The following ALDH2 variants were observed in gnomAD, a reference collection of about 807,000 sequenced individuals.
ALDH2 encodes the protein aldehyde dehydrogenase, mitochondrial.
A neutral mutation model predicts 59.6 loss-of-function variants in ALDH2; 44 were observed. The observed-to-expected ratio is 0.74, with a 90% confidence interval of 0.58 to 0.95. ALDH2 has a LOEUF of 0.95. Among genes scored for constraint, ALDH2 ranks in the 40% least tolerant of loss-of-function variants. The pLI, the probability that ALDH2 is intolerant of heterozygous loss-of-function variation, is 0.00. For synonymous variants in ALDH2, 291 were observed against 284.0 expected (o/e 1.02, Z -0.25); for missense variants, 570 against 696.3 (o/e 0.82, Z 2.04).
Position 111,785,317 on chromosome 12 carries a change from G to A in ALDH2, c.411G>A (p.Val137=). ...AGCCCTATGTCATCTCCTACCTGGT[G>A]GATTTGGACATGGTCCTCAAATGTC... ...NGKPYVISYL[V]DLDMVLKCLR... Residue 137 remains valine (V), a synonymous_variant, in exon 4 of 13, where the codon GTG becomes GTA. Coordinates refer to ENST00000261733, the MANE Select transcript of ALDH2 (RefSeq NM_000690.4). 4 of 1,614,136 alleles carry A rather than the reference G, an allele frequency of 2.5e-6. No homozygotes were observed. Among genetic ancestry groups the A allele is most frequent in the East Asian group, 2.2e-5 (1 of 44,888 alleles).
intron 8 of ALDH2, 122 bp from the exon 9 acceptor site, chr12:111,792,476 C>G: frequency 8.4e-7 from 1 of 1,192,076 alleles, no homozygotes; most frequent in Non-Finnish European, 1.1e-6. Context: ...GTATCTGTCT[C>G]TGGCACCCAG....
chr12:111,784,788 A>G (rs567854769), intron 3 of ALDH2, among the ~76,000 whole-genome samples: 1 of 152,136 alleles, frequency 6.6e-6, no homozygotes, highest in East Asian at 1.9e-4. Context: ...CTAATTTTGT[A>G]TTTTTGATAA....
At chr12:111,793,659 G>A (rs1371169006) in intron 9 of ALDH2, among the ~76,000 whole-genome samples, 8 of 151,488 alleles carry the variant, frequency 5.3e-5, no homozygotes, top group Admixed American at 2.6e-4. Flanking sequence ...GCAGTGGCAC[G>A]ATCTCGACTC....
At chr12:111,797,952 T>C in intron 9 of ALDH2, 126 bp from the exon 10 acceptor site, 2 of 1,143,510 alleles carry the variant, frequency 1.7e-6, no homozygotes, top group Non-Finnish European at 2.5e-6. Flanking sequence ...TTTCCTCTTC[T>C]GATCTTGCTT....
chr12:111,773,076 C>T (rs1392888291), intron 1 of ALDH2, among the ~76,000 whole-genome samples: 3 of 145,752 alleles, frequency 2.1e-5, no homozygotes, highest in Non-Finnish European at 4.5e-5. Flanking sequence ...TATGATGAAA[C>T]CCCGTCTCTA....
At chr12:111,769,565 C>A (rs1019019145) in intron 1 of ALDH2, among the ~76,000 whole-genome samples, 7 of 150,536 alleles carry the variant, frequency 4.7e-5, no homozygotes, top group Non-Finnish European at 1.0e-4. Context: ...AATGCAAGCA[C>A]ACCAGACTTT....
chr12:111,775,000 C>T (rs1455260712), intron 1 of ALDH2, among the ~76,000 whole-genome samples: 5 of 152,178 alleles, frequency 3.3e-5, no homozygotes, highest in Non-Finnish European at 2.9e-5. Context: ...GCTGGAATGG[C>T]GATCACTTGT....
intron 1 of ALDH2, among the ~76,000 whole-genome samples, chr12:111,776,705 T>C (rs997421314): frequency 2.6e-5 from 4 of 152,134 alleles, no homozygotes; most frequent in African/African-American, 9.7e-5. Flanking sequence ...AAAATTTTTT[T>C]TTTTTTTGAG....
chr12:111,809,107 C>A (rs2068517307), intron 12 of ALDH2, among the ~76,000 whole-genome samples: 1 of 152,180 alleles, frequency 6.6e-6, no homozygotes, highest in East Asian at 1.9e-4. Flanking sequence ...AGGGGCAAGA[C>A]CCAGATTTGA....
At chr12:111,773,148 GCTGAGA>G (rs2068213744) in intron 1 of ALDH2, among the ~76,000 whole-genome samples, 1 of 152,120 alleles carries the variant, frequency 6.6e-6, no homozygotes, top group Non-Finnish European at 1.5e-5. Context: ...TACCTGGGAG[GCTGAGA>G]CAGGAGAAAC....
Position 111,814,971 on chromosome 12 carries a change from A to G in ALDH2, c.*5396A>G, listed in dbSNP as rs2068561453. 1 of 152,230 alleles carries G rather than the reference A, an allele frequency of 6.6e-6. No individual in the cohort carries two copies. The highest frequency in any genetic ancestry group is 6.5e-5 in the Admixed American group (1 of 15,268). 9.4% of individuals were successfully genotyped at this position (152,230 alleles called of 1,614,324 possible). ...GCTTCCATTTCCTCACAATCTCTGC[A>G]GTCACTTCCAACTCTCATTTGGCTT... is the stretch of plus-strand genomic sequence containing the variant. On this transcript the variant is annotated 3_prime_UTR_variant, in exon 13 of 13. Coordinates refer to ENST00000261733, the MANE Select transcript of ALDH2 (RefSeq NM_000690.4).
Position 111,813,686 on chromosome 12 carries a change from G to A in ALDH2, c.*4111G>A, listed in dbSNP as rs958919705. The A allele has an allele frequency of 3.9e-5, 6 of 152,210 alleles. No individual in the cohort carries two copies. Among genetic ancestry groups the A allele is most frequent in the Non-Finnish European group, 8.8e-5 (6 of 68,034 alleles). The allele number at this position is 152,210 out of a possible 1,614,324, so 9.4% of individuals were successfully genotyped here. A position where few individuals can be genotyped will look rare whatever the true frequency, so the allele number is the denominator to read the frequency against. ...CGATGTGGATGAACCTTGAAAACATGATGCTGAGTGAAAGAAGCCAGACAC... is the reference window on the plus strand; with the variant it reads ...CGATGTGGATGAACCTTGAAAACATAATGCTGAGTGAAAGAAGCCAGACAC... On this transcript the variant is annotated 3_prime_UTR_variant, in exon 13 of 13. Transcript: ENST00000261733.
intron 4 of ALDH2, among the ~76,000 whole-genome samples, chr12:111,788,291 G>A (rs892598725): frequency 1.3e-5 from 2 of 152,162 alleles, no homozygotes; most frequent in African/African-American, 4.8e-5. Flanking sequence ...GCCTCCCCGG[G>A]GACACTGGGC....
chr12:111,787,215 A>T (rs1403268351), intron 4 of ALDH2, among the ~76,000 whole-genome samples: 2 of 152,138 alleles, frequency 1.3e-5, no homozygotes, highest in Non-Finnish European at 2.9e-5. Context: ...CAACAAAAAA[A>T]AAAGGAAAGA....
intron 11 of ALDH2, among the ~76,000 whole-genome samples, chr12:111,802,034 C>T (rs1186610207): frequency 6.6e-6 from 1 of 152,044 alleles, no homozygotes; most frequent in East Asian, 1.9e-4. Context: ...GTAGACGGAT[C>T]ACGAGATCAG....
intron 1 of ALDH2, among the ~76,000 whole-genome samples, chr12:111,770,212 G>A (rs2068189218): frequency 6.6e-6 from 1 of 152,136 alleles, no homozygotes; most frequent in East Asian, 1.9e-4. Flanking sequence ...GACCAAATGG[G>A]GTGAGGCTTC....
chr12:111,787,136 G>T (rs2068316525), intron 4 of ALDH2, among the ~76,000 whole-genome samples: 1 of 152,078 alleles, frequency 6.6e-6, no homozygotes, highest in Non-Finnish European at 1.5e-5. Context: ...AACCCAGGAG[G>T]TGGAGGTTAC....
At chr12:111,785,521 T>G (rs1348471264) in intron 4 of ALDH2, among the ~76,000 whole-genome samples, 175 bp downstream of exon 4, 1 of 152,062 alleles carries the variant, frequency 6.6e-6, no homozygotes, top group Non-Finnish European at 1.5e-5. Context: ...GTCAAGAGTT[T>G]GAGACCAGCC....
rs974640816 is a variant in ALDH2 at position 111,771,896 on chromosome 12, C to G, written c.114+4800C>G. On this transcript the variant is annotated intron_variant, in intron 1 of 12. Coordinates refer to ENST00000261733, the MANE Select transcript of ALDH2 (RefSeq NM_000690.4). ...GGCAGATTGCTTGAGCACAGGAGTT[C>G]GAGACCAGCCTGACCAACATGGTGA... 4.8e-5 allele frequency among the ~76,000 whole-genome samples: 7 copies of G among 146,880 alleles called. No homozygotes were observed. The Admixed American group carries it at 4.8e-4, about 10-fold the overall frequency.
Sources: allele counts gnomAD v4.1 joint callset (sites outside exome capture counted in the v4.1 genomes callset), GRCh38; gene constraint gnomAD v4.1.1; transcripts MANE v1.5; gene names NCBI Gene and HGNC (gene_info 2026-07-23, HGNC 2026-07-21).